TRAPPC2L: variants seen among roughly 807,000 people sequenced by gnomAD.
The protein encoded by TRAPPC2L is trafficking protein particle complex subunit 2-like protein.
In TRAPPC2L, 17 loss-of-function variants were observed where a neutral mutation model predicts 13.2. The observed-to-expected ratio is 1.29, with a 90% CI of 0.88 to 1.93. The LOEUF (loss-of-function observed/expected upper bound fraction) is 1.93, where lower values mean the gene tolerates loss of function less well. Among genes scored for constraint, TRAPPC2L ranks in the 30% most tolerant of loss-of-function variants. The probability of loss-of-function intolerance (pLI) is 0.00; values close to 1 mark genes in which losing one functional copy is unlikely to be tolerated. For synonymous variants in TRAPPC2L, 150 were observed against 98.1 expected (o/e 1.53, Z -3.12); for missense variants, 359 against 252.1 (o/e 1.42, Z -2.87).
exon 4 of TRAPPC2L, chr16:88,860,058 A>T: frequency 8.1e-7 from 1 of 1,240,634 alleles, no homozygotes; most frequent in Non-Finnish European, 1.2e-6. Flanking sequence ...CCATTTGGAA[A>T]ATAAGGGAGG....
At chr16:88,860,144 C>A (rs1380957855) in exon 4 of TRAPPC2L, 1 of 719,826 alleles carries the variant, frequency 1.4e-6, no homozygotes, top group Non-Finnish European at 2.5e-6. Flanking sequence ...TTTCTCCACA[C>A]CAACTCTTAC....
chr16:88,861,209 G>A (rs1187655397), exon 4 of TRAPPC2L: 2 of 533,146 alleles, frequency 3.8e-6, no homozygotes, highest in African/African-American at 3.8e-5. Flanking sequence ...GGGATCAGAT[G>A]GCGCAGGTAG....
chr16:88,859,026 G>A (rs1242218812), intron 2 of TRAPPC2L: 5 of 550,298 alleles, frequency 9.1e-6, no homozygotes, highest in South Asian at 6.5e-5. Context: ...GCACGTGTCC[G>A]TTGTCTGGTT....
rs146067734 is a variant in TRAPPC2L, at chr16:88,859,314, C to T, written c.207-349C>T. The T allele has an allele frequency of 1.9e-4, 123 of 644,942 alleles. No individual in the cohort carries two copies. In the East Asian group the frequency reaches 3.6e-3, roughly 19 times the overall value. The allele number at this position is 644,942 out of a possible 1,614,324, so 40.0% of individuals were successfully genotyped here. On this transcript the variant is annotated intron_variant, in intron 2 of 3. Transcript: ENST00000565504. ...TAATGTGGCCTCTAGAGAGGGGATC[C>T]GCCTTGTTCACGAAGCCTCTGGTTT... is the stretch of plus-strand genomic sequence containing the variant.
At position 88,860,821 on chromosome 16, in the gene TRAPPC2L, A is replaced by G. The variant is rs1414393267; in HGVS notation, c.*497A>G. The G allele has an allele frequency of 2.6e-5, 36 of 1,394,314 alleles. No individual in the cohort carries two copies. In the East Asian group the frequency reaches 8.8e-4, roughly 34 times the overall value. The allele number at this position is 1,394,314 out of a possible 1,614,324, so 86.4% of individuals were successfully genotyped here. A position where few individuals can be genotyped will look rare whatever the true frequency, so the allele number is the denominator to read the frequency against. ...CTGGACCCTGGAGAAGGTCCCGAGC[A>G]TCCTGTGGATGGAGCCATGCTGCCC... On this transcript the variant is annotated 3_prime_UTR_variant, in exon 4 of 4. Transcript: ENST00000565504.
chr16:88,858,987 C>T, intron 2 of TRAPPC2L, 196 bp downstream of exon 2: 2 of 610,124 alleles, frequency 3.3e-6, no homozygotes, highest in Non-Finnish European at 5.6e-6. Context: ...AAAAGCAAGG[C>T]TAGAATTCCC....
exon 4 of TRAPPC2L, chr16:88,861,749 T>C (rs1968407404): frequency 2.2e-6 from 1 of 454,108 alleles, no homozygotes; most frequent in African/African-American, 2.0e-5. Flanking sequence ...CCCCCCGGAG[T>C]TGGTTCCAGC....
intron 1 of TRAPPC2L, 48 bp downstream of exon 1, chr16:88,857,231 C>T (rs565230425): frequency 1.4e-6 from 2 of 1,448,514 alleles, no homozygotes; most frequent in African/African-American, 2.9e-5. Context: ...ATCCTCGGCT[C>T]TCCGCTTTCT....
exon 4 of TRAPPC2L, chr16:88,860,276 A>C (rs1259963785): frequency 2.0e-5 from 14 of 701,284 alleles, no homozygotes; most frequent in Admixed American, 8.0e-5. Flanking sequence ...AGGGCCAAGC[A>C]CATGGGCAGT....
exon 4 of TRAPPC2L, chr16:88,860,376 C>T (rs912034654): frequency 3.9e-5 from 25 of 635,570 alleles, no homozygotes; most frequent in African/African-American, 5.5e-5. Flanking sequence ...AGGTGTCTTC[C>T]GAATAGTCCA....
chr16:88,860,679 C>T, exon 4 of TRAPPC2L: 1 of 608,936 alleles, frequency 1.6e-6, no homozygotes, highest in Non-Finnish European at 2.9e-6. Context: ...CTGCTCCCTC[C>T]TCCACCCCTT....
upstream of TRAPPC2L, chr16:88,857,001 TC>T: frequency 2.9e-6 from 4 of 1,385,924 alleles, no homozygotes; most frequent in Non-Finnish European, 3.7e-6. Context: ...GGGGCCAGAG[TC>T]CGCGGAGGGA....
At chr16:88,857,429 G>T (rs961807381) in intron 1 of TRAPPC2L, 5 of 469,270 alleles carry the variant, frequency 1.1e-5, no homozygotes, top group South Asian at 9.7e-5. Flanking sequence ...TCTCCTCCCC[G>T]CCAGGACCCA....
In TRAPPC2L at chr16:88,857,189, T is replaced by C. The variant is rs1303988897; in HGVS notation, c.33+6T>C. On this transcript the variant is annotated splice_donor_region_variant and intron_variant, in intron 1 of 3. Coordinates refer to ENST00000565504, the Ensembl canonical transcript of TRAPPC2L. ...TCGCGGTGATTGCCAAGGAGGTGCG[T>C]ACGCGCGGCGTGGGGCGTCCGGGCT... is the stretch of plus-strand genomic sequence containing the variant. 4 of 1,572,738 alleles carry C rather than the reference T, an allele frequency of 2.5e-6. No individual in the cohort carries two copies. The highest frequency in any genetic ancestry group is 1.4e-5 in the African/African-American group (1 of 72,166).
exon 4 of TRAPPC2L, chr16:88,861,696 G>A (rs373208959): frequency 9.0e-5 from 43 of 475,770 alleles, no homozygotes; most frequent in Middle Eastern, 4.4e-4. Flanking sequence ...TGCCGCCGGC[G>A]TCCTTGGGGT....
intron 1 of TRAPPC2L, among the ~76,000 whole-genome samples, 184 bp from the exon 2 acceptor site, chr16:88,858,435 C>T (rs1434754646): frequency 6.6e-6 from 1 of 152,152 alleles, no homozygotes; most frequent in Non-Finnish European, 1.5e-5. Flanking sequence ...CATAAATCTC[C>T]TTAGGTTAGC....
chr16:88,858,638 G>T, exon 2 of TRAPPC2L: 4 of 1,612,952 alleles, frequency 2.5e-6, no homozygotes, highest in Non-Finnish European at 3.4e-6. Flanking sequence ...CTCTACATTC[G>T]CAGCACCCCT....
chr16:88,862,062 C>T (rs538114582), exon 4 of TRAPPC2L: 3 of 163,626 alleles, frequency 1.8e-5, no homozygotes, highest in East Asian at 1.9e-4. Flanking sequence ...ATGTGGGCCA[C>T]AGACCACTCT....
chr16:88,861,205 A>G, exon 4 of TRAPPC2L: 1 of 540,064 alleles, frequency 1.9e-6, no homozygotes, highest in Non-Finnish European at 3.3e-6. Flanking sequence ...GTTTGGGATC[A>G]GATGGCGCAG....
Sources: gnomAD v4.1 joint callset for allele counts (sites outside exome capture counted in the v4.1 genomes callset) on GRCh38, gnomAD v4.1.1 for gene constraint, MANE v1.5 for transcripts, NCBI Gene and HGNC (gene_info 2026-07-23, HGNC 2026-07-21) for gene names.